The following PLEKHH2 variants were observed in gnomAD, a reference collection of about 807,000 sequenced individuals.
The protein encoded by PLEKHH2 is pleckstrin homology domain-containing family H member 2.
PLEKHH2 carries 129 observed loss-of-function variants against 187.9 expected under a neutral mutation model. That is an observed-to-expected ratio of 0.69 (90% CI 0.59 to 0.79). The LOEUF (loss-of-function observed/expected upper bound fraction) is 0.79. Ranked by LOEUF, PLEKHH2 falls within the 30% of genes least tolerant of loss-of-function variation. The probability of loss-of-function intolerance (pLI) is 0.00; values close to 1 mark genes in which losing one functional copy is unlikely to be tolerated. For synonymous variants in PLEKHH2, 686 were observed against 605.6 expected (o/e 1.13, Z -1.95); for missense variants, 2,076 against 1,751.2 (o/e 1.19, Z -3.31).
At chr2:43,680,572 G>A (rs1668119245) in intron 3 of PLEKHH2, 1 of 177,378 alleles carries the variant, frequency 5.6e-6, no homozygotes, top group Non-Finnish European at 1.2e-5. Context: ...ATTTTAGAAG[G>A]GTAAGGAGTC....
In PLEKHH2 at chr2:43,745,956, A is replaced by C. The variant is rs1332086249; in HGVS notation, c.3646A>C (p.Lys1216Gln). Reference protein sequence around the residue: ...EGTRTVRLTYKNRLYFSVQAR... With the variant: ...EGTRTVRLTYQNRLYFSVQAR... Reference sequence around the variant, plus strand: ...TACAAGGACTGTTCGTCTGACATACAAAAACAGGTGTGTAATACTGCATCC... The same window carrying C: ...TACAAGGACTGTTCGTCTGACATACCAAAACAGGTGTGTAATACTGCATCC... Residue 1216 changes from lysine to glutamine, a missense_variant, in exon 24 of 30, where the codon AAA (lysine) becomes CAA (glutamine). Lys to Gln is a moderately conservative substitution (Grantham distance 53, BLOSUM62 1). Transcript: ENST00000282406. The C allele has an allele frequency of 6.2e-7, 1 of 1,604,126 alleles. No homozygotes were observed. The highest frequency in any genetic ancestry group is 2.2e-5 in the East Asian group (1 of 44,768).
chr2:43,703,346 T>G (rs957506064), intron 8 of PLEKHH2, among the ~76,000 whole-genome samples: 9 of 152,206 alleles, frequency 5.9e-5, no homozygotes, highest in African/African-American at 2.2e-4. Flanking sequence ...AACAAAATAA[T>G]CTACTTTTGG....
chr2:43,655,617 G>A (rs1221655140), intron 2 of PLEKHH2, among the ~76,000 whole-genome samples: 2 of 152,190 alleles, frequency 1.3e-5, no homozygotes, highest in African/African-American at 2.4e-5. Flanking sequence ...AAAGACTTCA[G>A]ATGTCCCACC....
At chr2:43,707,017 G>A (rs1472341309) in intron 10 of PLEKHH2, among the ~76,000 whole-genome samples, 5 of 151,916 alleles carry the variant, frequency 3.3e-5, no homozygotes, top group South Asian at 4.2e-4. Context: ...CCAACATGGC[G>A]AAACCCTGTC....
At chr2:43,718,596 A>T (rs1670326631) in intron 15 of PLEKHH2, among the ~76,000 whole-genome samples, 1 of 152,174 alleles carries the variant, frequency 6.6e-6, no homozygotes, top group African/African-American at 2.4e-5. Flanking sequence ...GTTAAAACAC[A>T]GCTTTTACAG....
chr2:43,643,220 A>G (rs1666029878), intron 1 of PLEKHH2, among the ~76,000 whole-genome samples: 1 of 152,140 alleles, frequency 6.6e-6, no homozygotes, highest in Admixed American at 6.6e-5. Flanking sequence ...TCCTTAGGAA[A>G]AACCTCAGGA....
chr2:43,727,042 A>G (rs535635059), intron 17 of PLEKHH2, among the ~76,000 whole-genome samples: 1 of 150,308 alleles, frequency 6.7e-6, no homozygotes, highest in South Asian at 2.1e-4. Context: ...CAGAATTTAA[A>G]GAGTTAAAAG....
At chr2:43,708,151 T>C (rs1408275362) in intron 11 of PLEKHH2, among the ~76,000 whole-genome samples, 1 of 152,348 alleles carries the variant, frequency 6.6e-6, no homozygotes, top group East Asian at 1.9e-4. Flanking sequence ...CAACTGGAGC[T>C]GCTCAGCCTT....
chr2:43,723,294 T>A (rs1381042465), intron 16 of PLEKHH2, among the ~76,000 whole-genome samples: 1 of 152,088 alleles, frequency 6.6e-6, no homozygotes, highest in Non-Finnish European at 1.5e-5. Flanking sequence ...TAAGACAGAT[T>A]ACAGGAGAAA....
At chr2:43,651,758 G>A (rs768580960) in intron 2 of PLEKHH2, among the ~76,000 whole-genome samples, 5 of 152,196 alleles carry the variant, frequency 3.3e-5, no homozygotes, top group Non-Finnish European at 5.9e-5. Context: ...CCTAATCTCT[G>A]TAATGGGAAT....
chr2:43,644,710 T>G lies in PLEKHH2; in HGVS notation c.37T>G (p.Trp13Gly), dbSNP rs766706430. The change falls in exon 2 of 30, where the codon TGG becomes GGG. Residue 13 changes from tryptophan (W) to glycine (G), a missense_variant. Transcript: ENST00000282406. ...ELSEPEGPVD[W>G]KERCVALESQ... Reference sequence around the variant, plus strand: ...TTCTGAGCCAGAGGGACCAGTAGATTGGAAGGAACGATGTGTAGCTCTGGA... The same window carrying G: ...TTCTGAGCCAGAGGGACCAGTAGATGGGAAGGAACGATGTGTAGCTCTGGA... The G allele has an allele frequency of 1.2e-6, 2 of 1,607,968 alleles. No homozygotes were observed. The highest frequency in any genetic ancestry group is 1.7e-6 in the Non-Finnish European group (2 of 1,175,892).
At chr2:43,653,894 A>T (rs569555584) in intron 2 of PLEKHH2, among the ~76,000 whole-genome samples, 6 of 152,378 alleles carry the variant, frequency 3.9e-5, no homozygotes, top group Middle Eastern at 6.8e-3. Context: ...TTCAGCTCTG[A>T]ATATCACACA....
At chr2:43,675,016 G>A (rs1035900938) in intron 2 of PLEKHH2, 3 of 164,052 alleles carry the variant, frequency 1.8e-5, no homozygotes, top group African/African-American at 7.2e-5. Flanking sequence ...CATGTGGACA[G>A]GCAGTTAAAT....
intron 1 of PLEKHH2, among the ~76,000 whole-genome samples, chr2:43,638,248 AAC>A (rs70965309): frequency 0.12 from 17,407 of 148,560 alleles, 1,012 homozygotes; most frequent in Non-Finnish European, 0.14. Context: ...AAGATCTTTT[AAC>A]ACACACACAC....
At chr2:43,686,554 A>T (rs562723750) in intron 3 of PLEKHH2, among the ~76,000 whole-genome samples, 1 of 152,270 alleles carries the variant, frequency 6.6e-6, no homozygotes, top group East Asian at 1.9e-4. Flanking sequence ...AATATCCATG[A>T]CCTTGTAATG....
chr2:43,651,087 A>C (rs1023802463), intron 2 of PLEKHH2, among the ~76,000 whole-genome samples: 1 of 152,230 alleles, frequency 6.6e-6, no homozygotes, highest in South Asian at 2.1e-4. Context: ...GTGAAAATGT[A>C]GTGATTACCC....
chr2:43,727,179 C>G (rs965955171), intron 17 of PLEKHH2, among the ~76,000 whole-genome samples: 4 of 152,040 alleles, frequency 2.6e-5, no homozygotes, highest in Admixed American at 2.6e-4. Flanking sequence ...TTCGGGAGGC[C>G]GAGGCGGGTG....
rs967830989 is a variant in PLEKHH2, at chr2:43,767,127, A to G, written c.*1529A>G. The stretch of plus-strand genomic sequence containing the variant: ...CAATTGTAATGGTAATCATGAGTAT[A>G]CTTAATTTTATTTATGTATAGAATA... On this transcript the variant is annotated 3_prime_UTR_variant, in exon 30 of 30. Coordinates refer to ENST00000282406, the MANE Select transcript of PLEKHH2 (RefSeq NM_172069.4). 2 of 152,648 alleles carry G rather than the reference A, an allele frequency of 1.3e-5. No individual in the cohort carries two copies. Among genetic ancestry groups the G allele is most frequent in the Non-Finnish European group, 2.9e-5 (2 of 68,048 alleles). The allele number at this position is 152,648 out of a possible 1,614,324, so 9.5% of individuals were successfully genotyped here.
intron 14 of PLEKHH2, chr2:43,711,353 G>C: frequency 2.0e-6 from 2 of 985,388 alleles, no homozygotes; most frequent in Non-Finnish European, 2.4e-6. Flanking sequence ...GGGCATGGCA[G>C]TTAAGAATCA....
Sources: gnomAD v4.1 joint callset for allele counts (sites outside exome capture counted in the v4.1 genomes callset) on GRCh38, gnomAD v4.1.1 for gene constraint, MANE v1.5 for transcripts, NCBI Gene and HGNC (gene_info 2026-07-23, HGNC 2026-07-21) for gene names.